ZNF251: variants seen among roughly 807,000 people sequenced by gnomAD.
ZNF251 encodes the protein zinc finger protein 251.
Under a neutral mutation model 13.5 loss-of-function variants are expected in ZNF251, and 14 were observed. The ratio of observed to expected loss-of-function variants is 1.04; its 90% CI spans 0.69 to 1.63. ZNF251 has a LOEUF of 1.63. Among genes scored for constraint, ZNF251 ranks in the 40% most tolerant of loss-of-function variants. The probability of loss-of-function intolerance (pLI) is 0.00; values close to 1 mark genes in which losing one functional copy is unlikely to be tolerated. For synonymous variants in ZNF251, 287 were observed against 295.2 expected, an observed-to-expected ratio of 0.97 and a Z score of 0.28; for missense variants, 764 against 834.9, an observed-to-expected ratio of 0.92 and a Z score of 1.05.
intron 4 of ZNF251, among the ~76,000 whole-genome samples, chr8:144,753,191 C>T (rs1380797890): frequency 6.9e-6 from 1 of 145,636 alleles, no homozygotes; most frequent in Non-Finnish European, 1.5e-5. Context: ...GGGAGGATTG[C>T]CTGAGCCTGG....
At chr8:144,739,770 G>A (rs770839734) in intron 4 of ZNF251, among the ~76,000 whole-genome samples, 13 of 152,016 alleles carry the variant, frequency 8.6e-5, no homozygotes, top group Admixed American at 2.6e-4. Flanking sequence ...ATGGTGGAGC[G>A]CACCTGTAGT....
At chr8:144,729,179 T>A (rs967449707) in intron 4 of ZNF251, among the ~76,000 whole-genome samples, 1 of 151,784 alleles carries the variant, frequency 6.6e-6, no homozygotes, top group South Asian at 2.1e-4. Context: ...TATATTCATG[T>A]TAAAATTTAA....
chr8:144,754,146 CT>C, intron 3 of ZNF251, 45 bp downstream of exon 3: 1 of 1,589,106 alleles, frequency 6.3e-7, no homozygotes, highest in Admixed American at 1.8e-5. Context: ...TCCCAAGCTC[CT>C]CAGAGGCCCC....
At chr8:144,738,410 G>A in intron 4 of ZNF251, 2 of 262,478 alleles carry the variant, frequency 7.6e-6, no homozygotes, top group Non-Finnish European at 1.2e-5. Flanking sequence ...TCCCCACCAT[G>A]CCACAGCTCA....
chr8:144,745,188 CTTTTTTT>C (rs746070716), intron 4 of ZNF251, among the ~76,000 whole-genome samples: 10 of 114,610 alleles, frequency 8.7e-5, no homozygotes, highest in African/African-American at 1.5e-4. Context: ...TGTCTAGATT[CTTTTTTT>C]TTTTTTTTTT....
chr8:144,721,318 A>C lies in ZNF251; in HGVS notation c.*326T>G. 4 of 369,828 alleles carry C rather than the reference A, an allele frequency of 1.1e-5. No individual in the cohort carries two copies. The highest frequency in any genetic ancestry group is 1.9e-5 in the Non-Finnish European group (4 of 208,210). The allele number at this position is 369,828 out of a possible 1,614,324, so 22.9% of individuals were successfully genotyped here. ...GGGCCTGGATAGGAAACAAAGGATA[A>C]GACTGGAAGGATGTCAGGTAGGGTA... On this transcript the variant is annotated 3_prime_UTR_variant, in exon 5 of 5. Coordinates refer to ENST00000292562, the MANE Select transcript of ZNF251 (RefSeq NM_138367.2).
chr8:144,739,180 G>A (rs1012103714), intron 4 of ZNF251, among the ~76,000 whole-genome samples: 1 of 150,218 alleles, frequency 6.7e-6, no homozygotes, highest in South Asian at 2.1e-4. Flanking sequence ...CCTGAAACCA[G>A]GATCACAAAT....
At chr8:144,739,585 G>A (rs560781592) in intron 4 of ZNF251, among the ~76,000 whole-genome samples, 10 of 152,186 alleles carry the variant, frequency 6.6e-5, no homozygotes, top group Non-Finnish European at 1.5e-4. Context: ...AATGCCCAAA[G>A]TGCCGGAATT....
At chr8:144,740,864 C>T (rs553875736) in intron 4 of ZNF251, among the ~76,000 whole-genome samples, 44 of 151,738 alleles carry the variant, frequency 2.9e-4, no homozygotes, top group African/African-American at 9.7e-4. Flanking sequence ...ACCTGGGAGG[C>T]GCAGGTTGTG....
intron 1 of ZNF251, chr8:144,755,032 T>G: frequency 1.5e-6 from 2 of 1,357,118 alleles, no homozygotes; most frequent in Non-Finnish European, 1.9e-6. Context: ...AAGCTGGCAG[T>G]TCCCGTGGTC....
chr8:144,731,348 T>G (rs1386277797), intron 4 of ZNF251, among the ~76,000 whole-genome samples: 2 of 152,242 alleles, frequency 1.3e-5, no homozygotes, highest in Non-Finnish European at 2.9e-5. Flanking sequence ...AATGGTATAC[T>G]GTGTACCGAT....
intron 4 of ZNF251, among the ~76,000 whole-genome samples, chr8:144,731,609 CAG>C (rs1451995029): frequency 6.6e-6 from 1 of 152,348 alleles, no homozygotes; most frequent in Admixed American, 6.5e-5. Context: ...CATTTTGAGA[CAG>C]AGTCTTGCTC....
At chr8:144,730,868 C>A (rs189552388) in intron 4 of ZNF251, among the ~76,000 whole-genome samples, 1 of 152,340 alleles carries the variant, frequency 6.6e-6, no homozygotes, top group African/African-American at 2.4e-5. Flanking sequence ...AAAACAGAAT[C>A]ATCTTTCCCC....
Position 144,721,776 on chromosome 8 carries a change from C to A in ZNF251, c.1884G>T (p.Gly628=). 1 of 1,475,938 alleles carries A rather than the reference C, an allele frequency of 6.8e-7. No homozygotes were observed. The highest frequency in any genetic ancestry group is 9.0e-7 in the Non-Finnish European group (1 of 1,112,970). The allele number at this position is 1,475,938 out of a possible 1,614,324, so 91.4% of individuals were successfully genotyped here. The change falls in exon 5 of 5, where the codon GGG becomes GGT. Residue 628 remains glycine, a synonymous_variant. Coordinates refer to ENST00000292562, the MANE Select transcript of ZNF251 (RefSeq NM_138367.2). ...GCTGTGAACTCTGGCTGAAGGCTTT[C>A]CCATACACACTGCAATGACATGGTT... is the stretch of plus-strand genomic sequence containing the variant. ...GQKPCHCSVY[G]KAFSQSSQLT...
chr8:144,751,131 G>A (rs1005745674), intron 4 of ZNF251, among the ~76,000 whole-genome samples: 1 of 152,048 alleles, frequency 6.6e-6, no homozygotes, highest in Admixed American at 6.6e-5. Context: ...TTACAGGTGT[G>A]AGCCACCGCA....
chr8:144,752,170 C>T (rs919430959), intron 4 of ZNF251, among the ~76,000 whole-genome samples: 3 of 142,240 alleles, frequency 2.1e-5, no homozygotes, highest in Non-Finnish European at 4.5e-5. Context: ...AGCAAGGATA[C>T]AGAAGACCTG....
rs1465008346 is a variant in ZNF251 at position 144,722,665 on chromosome 8, T to C, written c.995A>G (p.Gln332Arg). The change falls in exon 5 of 5, where the codon CAG (glutamine) becomes CGG (arginine). Residue 332 changes from glutamine to arginine, a missense_variant. Physicochemically the swap from Gln to Arg is conservative, Grantham distance 43 (BLOSUM62 1). Transcript: ENST00000292562. This position sits in a 1 kb window ranked among gnomAD's most constrained non-coding sequence, Gnocchi z 4.8. ...KCNECGRGFSQSPQLTQHQRI... is the reference protein window; with the variant it reads ...KCNECGRGFSRSPQLTQHQRI... ...CTGATGCTGAGTTAACTGGGGGCTC[T>C]GGCTAAAGCCTCTTCCACATTCATT... 4.3e-6 allele frequency: 7 copies of C among 1,614,112 alleles called. No individual in the cohort carries two copies. Among genetic ancestry groups the C allele is most frequent in the Non-Finnish European group, 5.9e-6 (7 of 1,179,978 alleles).
intron 4 of ZNF251, among the ~76,000 whole-genome samples, chr8:144,745,507 A>T (rs2130051128): frequency 1.3e-5 from 2 of 152,222 alleles, no homozygotes; most frequent in South Asian, 4.1e-4. Flanking sequence ...CCTTATAAAC[A>T]TTACAATCAG....
chr8:144,749,884 CTTT>C (rs58426780), intron 4 of ZNF251, among the ~76,000 whole-genome samples: 2 of 128,336 alleles, frequency 1.6e-5, no homozygotes, highest in Non-Finnish European at 1.6e-5. Flanking sequence ...TCTTTTTTTT[CTTT>C]TTTTTTTTTT....
Sources: allele counts gnomAD v4.1 joint callset (sites outside exome capture counted in the v4.1 genomes callset), GRCh38; gene constraint gnomAD v4.1.1; non-coding constraint Gnocchi (gnomAD v3.1); transcripts MANE v1.5; gene names NCBI Gene and HGNC (gene_info 2026-07-23, HGNC 2026-07-21).